Variants in STIM1 observed in about 807,000 individuals in gnomAD.
STIM1 encodes stromal interaction molecule 1.
A neutral mutation model predicts 74.7 loss-of-function variants in STIM1; 25 were observed. That is an observed-to-expected ratio of 0.33 (90% CI 0.24 to 0.47). STIM1 has a LOEUF of 0.47. STIM1 is among the 20% of genes least tolerant of loss of function. The probability of loss-of-function intolerance (pLI) is 1.00; values close to 1 mark genes in which losing one functional copy is unlikely to be tolerated. For synonymous variants in STIM1, 328 were observed against 348.8 expected (o/e 0.94, Z 0.66); for missense variants, 728 against 920.8 (o/e 0.79, Z 2.71).
intron 1 of STIM1, among the ~76,000 whole-genome samples, chr11:3,891,532 A>G (rs1032277564): frequency 2.6e-5 from 4 of 152,034 alleles, no homozygotes; most frequent in African/African-American, 9.7e-5. Context: ...CGATCTTCTC[A>G]CCTCAGCCAC....
In STIM1 at chr11:4,073,134, C is replaced by A. The variant is rs181193430; in HGVS notation, c.792-1368C>A. On this transcript the variant is annotated intron_variant, in intron 6 of 12. Transcript: ENST00000526596. ...TCAGTGGTCAGTGTTCTCTAGGGGT[C>A]CTTCTTGTTCTGTAGTCTATCCTTT... Among the ~76,000 whole-genome samples, 18 of 136,906 alleles carry A rather than the reference C, an allele frequency of 1.3e-4. No homozygotes were observed. The Admixed American group carries it at 1.4e-3, about 11-fold the overall frequency. The allele number at this position is 136,906 out of a possible 152,430, so 89.8% of individuals were successfully genotyped here. A position where few individuals can be genotyped will look rare whatever the true frequency, so the allele number is the denominator to read the frequency against.
intron 1 of STIM1, among the ~76,000 whole-genome samples, chr11:3,869,016 T>C (rs1359371899): frequency 6.6e-6 from 1 of 152,150 alleles, no homozygotes; most frequent in Non-Finnish European, 1.5e-5. Flanking sequence ...TCGCCCAGGC[T>C]GGAGTGCAGT....
At chr11:3,885,658 A>G (rs183010993) in intron 1 of STIM1, among the ~76,000 whole-genome samples, 1 of 152,082 alleles carries the variant, frequency 6.6e-6, no homozygotes, top group Admixed American at 6.6e-5. Flanking sequence ...TTTTTGAGAC[A>G]GGGACTCGCT....
intron 12 of STIM1, among the ~76,000 whole-genome samples, chr11:4,087,871 G>A (rs1302256008): frequency 6.6e-6 from 1 of 150,702 alleles, no homozygotes; most frequent in African/African-American, 2.4e-5. Context: ...ATGGAATTCG[G>A]GAACCAAGAT....
chr11:4,016,301 C>A (rs978900564), intron 2 of STIM1, among the ~76,000 whole-genome samples: 7 of 152,200 alleles, frequency 4.6e-5, no homozygotes, highest in Non-Finnish European at 1.0e-4. Context: ...AACAGACAGG[C>A]CCCTCAGCTG....
At chr11:3,954,788 C>T (rs2135683099) in intron 1 of STIM1, among the ~76,000 whole-genome samples, 1 of 152,302 alleles carries the variant, frequency 6.6e-6, no homozygotes, top group Non-Finnish European at 1.5e-5. Flanking sequence ...ACATATCATG[C>T]ATGACTGGTG....
intron 3 of STIM1, among the ~76,000 whole-genome samples, chr11:4,037,141 C>T (rs1197560247): frequency 1.3e-5 from 2 of 151,964 alleles, no homozygotes; most frequent in South Asian, 2.1e-4. Flanking sequence ...CTGCAACCTC[C>T]GCCTCCTGGG....
intron 7 of STIM1, among the ~76,000 whole-genome samples, chr11:4,078,315 A>C (rs1157715289): frequency 6.6e-6 from 1 of 152,128 alleles, no homozygotes; most frequent in Non-Finnish European, 1.5e-5. Context: ...AAAGCTGTTA[A>C]ATTTCTTTCT....
chr11:3,982,067 C>T (rs1434320664), intron 2 of STIM1, among the ~76,000 whole-genome samples: 2 of 151,954 alleles, frequency 1.3e-5, no homozygotes, highest in African/African-American at 4.8e-5. Flanking sequence ...TGCTCTGTCA[C>T]CCAGCCTGGA....
chr11:3,863,820 C>T (rs1444647829), intron 1 of STIM1, among the ~76,000 whole-genome samples: 1 of 151,930 alleles, frequency 6.6e-6, no homozygotes, highest in Admixed American at 6.6e-5. Flanking sequence ...CATAATGGCC[C>T]CAAAGTGCAA....
intron 1 of STIM1, among the ~76,000 whole-genome samples, chr11:3,857,291 G>A (rs958613563): frequency 2.6e-5 from 4 of 151,570 alleles, no homozygotes; most frequent in Admixed American, 2.0e-4. Flanking sequence ...TTGATCTGTC[G>A]TCCAAGCTGG....
intron 1 of STIM1, among the ~76,000 whole-genome samples, chr11:3,904,438 G>GGT (rs1421157345): frequency 2.6e-5 from 4 of 151,952 alleles, no homozygotes; most frequent in Non-Finnish European, 4.4e-5. Flanking sequence ...GATGAAGCTG[G>GGT]GTGTGTGTGA....
chr11:4,005,841 C>G (rs1427766708), intron 2 of STIM1, among the ~76,000 whole-genome samples: 1 of 152,114 alleles, frequency 6.6e-6, no homozygotes, highest in Non-Finnish European at 1.5e-5. Context: ...CTGCCTTGAG[C>G]AACAGCTTCT....
chr11:3,894,825 G>T (rs1460766201), intron 1 of STIM1, among the ~76,000 whole-genome samples: 1 of 151,700 alleles, frequency 6.6e-6, no homozygotes, highest in Non-Finnish European at 1.5e-5. Flanking sequence ...TGCAACCTCC[G>T]CCTTCCGGGT....
At chr11:3,937,809 C>G (rs1024422409) in intron 1 of STIM1, among the ~76,000 whole-genome samples, 1 of 152,216 alleles carries the variant, frequency 6.6e-6, no homozygotes, top group Admixed American at 6.5e-5. Context: ...AGCTCCAGAA[C>G]CTTCTCTCAT....
intron 1 of STIM1, among the ~76,000 whole-genome samples, chr11:3,891,133 A>G (rs1233511855): frequency 1.3e-5 from 2 of 152,208 alleles, no homozygotes; most frequent in South Asian, 2.1e-4. Context: ...ACAGCAGTCA[A>G]TGACATAGAT....
intron 1 of STIM1, among the ~76,000 whole-genome samples, chr11:3,882,625 T>C (rs1235795823): frequency 6.6e-6 from 1 of 152,234 alleles, no homozygotes; most frequent in Non-Finnish European, 1.5e-5. Context: ...TGTGTGTACA[T>C]GTACCTGTTT....
At chr11:3,902,868 G>A (rs2092384328) in intron 1 of STIM1, among the ~76,000 whole-genome samples, 1 of 152,152 alleles carries the variant, frequency 6.6e-6, no homozygotes, top group Admixed American at 6.6e-5. Flanking sequence ...GTGGATAGAG[G>A]CAAAGGATCA....
In STIM1 at chr11:3,997,591, G is replaced by A. The variant is rs116978617; in HGVS notation, c.271-26282G>A. Among the ~76,000 whole-genome samples the A allele has an allele frequency of 3.7e-3, 568 of 152,296 alleles. 3 individuals carry two copies. In the South Asian group the frequency reaches 0.038, roughly 10 times the overall value. ...TGTTATAGTCACTGACACATAATCC[G>A]GATCTCAACAGATGACTAGGAGTGA... On this transcript the variant is annotated intron_variant, in intron 2 of 12. Transcript: ENST00000526596.
Sources: gnomAD v4.1 joint callset for allele counts (sites outside exome capture counted in the v4.1 genomes callset) on GRCh38, gnomAD v4.1.1 for gene constraint, MANE v1.5 for transcripts, NCBI Gene and HGNC (gene_info 2026-07-23, HGNC 2026-07-21) for gene names.